Variants in PGCKA1 observed in about 807,000 individuals in gnomAD.
PGCKA1 encodes the protein PDCD10 and GCKIII kinases-associated protein 1.
the PGCKA1 span, among the ~76,000 whole-genome samples, chr4:37,457,609 T>C: frequency 1.3e-5 from 2 of 152,244 alleles, no homozygotes; most frequent in Non-Finnish European, 2.9e-5. Context: ...TCATATATCT[T>C]GGTTATTAAC....
the PGCKA1 span, among the ~76,000 whole-genome samples, chr4:37,555,804 C>A: frequency 4.6e-5 from 7 of 152,212 alleles, no homozygotes; most frequent in East Asian, 1.4e-3. Flanking sequence ...TTTCTTTCAC[C>A]CAGAACCCTT....
the PGCKA1 span, among the ~76,000 whole-genome samples, chr4:37,511,474 A>C: frequency 6.6e-6 from 1 of 152,128 alleles, no homozygotes; most frequent in Non-Finnish European, 1.5e-5. Context: ...TTTCTGGCCC[A>C]GAGTATGTCT....
chr4:37,557,396 T>C, the PGCKA1 span, among the ~76,000 whole-genome samples: 1 of 152,166 alleles, frequency 6.6e-6, no homozygotes, highest in Non-Finnish European at 1.5e-5. Flanking sequence ...TATAAGAAAA[T>C]ACCAGAAAGT....
chr4:37,509,829 G>A, the PGCKA1 span, among the ~76,000 whole-genome samples: 86 of 151,718 alleles, frequency 5.7e-4, 1 homozygote, highest in Non-Finnish European at 8.7e-4. Context: ...CAGGCGTGGC[G>A]GCGCGCGCCT....
chr4:37,511,805 A>G, the PGCKA1 span, among the ~76,000 whole-genome samples: 1 of 152,142 alleles, frequency 6.6e-6, no homozygotes, highest in Non-Finnish European at 1.5e-5. Flanking sequence ...TGAGGACCCC[A>G]TTTCACTTGC....
the PGCKA1 span, among the ~76,000 whole-genome samples, chr4:37,497,503 T>C: frequency 2.6e-5 from 4 of 152,284 alleles, no homozygotes; most frequent in African/African-American, 9.6e-5. Flanking sequence ...ACCAGCAGTG[T>C]AGAGGTGTTC....
At chr4:37,539,251 C>T in the PGCKA1 span, among the ~76,000 whole-genome samples, 1 of 152,186 alleles carries the variant, frequency 6.6e-6, no homozygotes, top group Admixed American at 6.5e-5. Flanking sequence ...GTTATATAAA[C>T]GACATGCTTC....
the PGCKA1 span, among the ~76,000 whole-genome samples, chr4:37,542,360 G>C: frequency 1.3e-5 from 2 of 152,170 alleles, no homozygotes; most frequent in Non-Finnish European, 2.9e-5. Context: ...GTTCAGGGGT[G>C]GCTCCACTTG....
At chr4:37,559,537 A>G in the PGCKA1 span, among the ~76,000 whole-genome samples, 2 of 151,770 alleles carry the variant, frequency 1.3e-5, no homozygotes, top group African/African-American at 2.4e-5. Flanking sequence ...TGGCACATGT[A>G]TACATATGTA....
chr4:37,494,060 T>C, the PGCKA1 span, among the ~76,000 whole-genome samples: 1 of 152,214 alleles, frequency 6.6e-6, no homozygotes, highest in East Asian at 1.9e-4. Flanking sequence ...CTCTTTGATA[T>C]CCTAATTTCC....
chr4:37,588,990 A>G, the PGCKA1 span: 2 of 955,518 alleles, frequency 2.1e-6, no homozygotes, highest in South Asian at 2.7e-5. Flanking sequence ...CAGTGCATTT[A>G]TCCAGCTTGG....
chr4:37,454,279 C>G, the PGCKA1 span, among the ~76,000 whole-genome samples: 1 of 152,012 alleles, frequency 6.6e-6, no homozygotes, highest in Non-Finnish European at 1.5e-5. Context: ...TGGGGGGAGG[C>G]GGACTTTTAC....
At chr4:37,583,594 G>A in the PGCKA1 span, among the ~76,000 whole-genome samples, 86 of 151,852 alleles carry the variant, frequency 5.7e-4, 1 homozygote, top group African/African-American at 2.0e-3. Context: ...CCACCACCAC[G>A]CCCAGCTAAT....
the PGCKA1 span, among the ~76,000 whole-genome samples, chr4:37,458,686 G>T: frequency 1.3e-5 from 2 of 152,090 alleles, no homozygotes; most frequent in Non-Finnish European, 2.9e-5. Context: ...CTAAATTCAA[G>T]CTGACACAAC....
At chr4:37,568,227 G>A in the PGCKA1 span, among the ~76,000 whole-genome samples, 1 of 152,198 alleles carries the variant, frequency 6.6e-6, no homozygotes, top group East Asian at 1.9e-4. Context: ...ACCTGTCACT[G>A]AGAAACACCA....
At chr4:37,487,704 T>C in the PGCKA1 span, among the ~76,000 whole-genome samples, 39 of 151,410 alleles carry the variant, frequency 2.6e-4, no homozygotes, top group African/African-American at 8.7e-4. Flanking sequence ...TCACCACAGA[T>C]TAATTTAGCC....
At chr4:37,476,632 T>C in the PGCKA1 span, among the ~76,000 whole-genome samples, 1 of 152,196 alleles carries the variant, frequency 6.6e-6, no homozygotes, top group African/African-American at 2.4e-5. Flanking sequence ...TCCATTTCTT[T>C]GTCTGTAAAA....
the PGCKA1 span, among the ~76,000 whole-genome samples, chr4:37,508,683 C>CTTTTTTTTTTTTTTTTTTT: frequency 2.2e-3 from 190 of 84,620 alleles, 10 homozygotes; most frequent in African/African-American, 8.9e-3. Context: ...TTTGCTGAAT[C>CTTTTTTTTTTTTTTTTTTT]TTTTTTTTAG....
At chr4:37,511,225 G>T in the PGCKA1 span, among the ~76,000 whole-genome samples, 1 of 152,090 alleles carries the variant, frequency 6.6e-6, no homozygotes, top group African/African-American at 2.4e-5. Flanking sequence ...TACCTAAGGT[G>T]ACAAAGTCCA....
Sources: gnomAD v4.1 joint callset for allele counts (sites outside exome capture counted in the v4.1 genomes callset) on GRCh38, gnomAD v4.1.1 for gene constraint, MANE v1.5 for transcripts, NCBI Gene and HGNC (gene_info 2026-07-23, HGNC 2026-07-21) for gene names.